Variants in SLC17A2 observed in about 807,000 individuals in gnomAD.
SLC17A2 encodes the protein solute carrier family 17 member 2, also known as sodium-dependent phosphate transport protein 3.
A neutral mutation model predicts 52.1 loss-of-function variants in SLC17A2; 38 were observed. The ratio of observed to expected loss-of-function variants is 0.73; its 90% CI spans 0.56 to 0.96. The LOEUF (loss-of-function observed/expected upper bound fraction) is 0.96. Ranked by LOEUF, SLC17A2 falls within the 40% of genes least tolerant of loss-of-function variation. The pLI is 0.00. For missense variants in SLC17A2, 508 were observed against 583.9 expected, an observed-to-expected ratio of 0.87 and a Z score of 1.34; for synonymous variants, 226 against 211.9, an observed-to-expected ratio of 1.07 and a Z score of -0.58.
At position 25,920,673 on chromosome 6, in the gene SLC17A2, G is replaced by GGT. The variant is rs547604094; in HGVS notation, c.562+331_562+332dup. The stretch of plus-strand genomic sequence containing the variant: ...CTCACTTCAAAATCATTGCTAAGAT[G>GGT]GTGTATATATAGCTTACTTGATCTT... On this transcript the variant is annotated intron_variant, in intron 5 of 11. Transcript: ENST00000377850. Among the ~76,000 whole-genome samples the GGT allele has an allele frequency of 8.8e-4, 134 of 152,170 alleles. 1 individual carries two copies. In the South Asian group the frequency reaches 9.8e-3, roughly 11 times the overall value.
In SLC17A2 at chr6:25,921,201, C is replaced by T. The variant is rs141434969; in HGVS notation, c.452G>A (p.Arg151Gln). 38 of 1,613,906 alleles carry T rather than the reference C, an allele frequency of 2.4e-5. No homozygotes were observed. The highest frequency in any genetic ancestry group is 1.6e-5 in the Non-Finnish European group (19 of 1,180,014). The change falls in exon 4 of 12, where the codon CGG (arginine) becomes CAG (glutamine). Residue 151 changes from arginine (R) to glutamine (Q), a missense_variant. Coordinates refer to ENST00000377850, the MANE Select transcript of SLC17A2 (RefSeq NM_001286123.3). ...DFGVILVIMV[R>Q]TVQGMAQGMA... Reference sequence around the variant, plus strand: ...TACCTGGGCCATGCCCTGGACTGTCCGAACCATGATGACCAAAATCACTCC... The same window carrying T: ...TACCTGGGCCATGCCCTGGACTGTCTGAACCATGATGACCAAAATCACTCC...
rs575929831 is a variant in SLC17A2, at chr6:25,914,630, G to A, written c.1252C>T (p.Leu418Phe). The part of the protein sequence containing the change: ...FLMGISRGFG[L>F]IAGIISSTAT... Reference sequence around the variant, plus strand: ...GTGGAAGAGATGATTCCTGCGATGAGCCCAAATCCCCTTGAGATTCCCATG... The same window carrying A: ...GTGGAAGAGATGATTCCTGCGATGAACCCAAATCCCCTTGAGATTCCCATG... The change falls in exon 11 of 12, where the codon CTC (leucine) becomes TTC (phenylalanine). Residue 418 changes from leucine (L) to phenylalanine (F), a missense_variant. By Grantham distance (22) the Leu-to-Phe change is conservative (BLOSUM62 0). Transcript: ENST00000377850. 1 of 1,613,000 alleles carries A rather than the reference G, an allele frequency of 6.2e-7. No individual in the cohort carries two copies. The highest frequency in any genetic ancestry group is 1.3e-5 in the African/African-American group (1 of 75,032).
In SLC17A2 at chr6:25,915,650, G is replaced by A. The variant is rs1248788820; in HGVS notation, c.1064-4C>T. 6.2e-7 allele frequency: 1 copy of A among 1,613,530 alleles called. No homozygotes were observed. Among genetic ancestry groups the A allele is most frequent in the East Asian group, 2.2e-5 (1 of 44,900 alleles). ...CATATTGATGGAAGGAGGAGCCCTG[G>A]GCAATGAGGACATGCTGTCAGGGAA... On this transcript the variant is annotated splice_region_variant and splice_polypyrimidine_tract_variant and intron_variant, in intron 9 of 11. Transcript: ENST00000377850.
At chr6:25,917,115 T>C in intron 6 of SLC17A2, 28 bp from the exon 7 acceptor site, 1 of 1,574,126 alleles carries the variant, frequency 6.4e-7, no homozygotes. Context: ...AATTAGTTTT[T>C]AGGTAGATTT....
intron 3 of SLC17A2, among the ~76,000 whole-genome samples, chr6:25,923,415 C>G (rs1704453770): frequency 6.6e-6 from 1 of 152,148 alleles, no homozygotes. Context: ...AGAATGTGCC[C>G]AGGTAATACC....
At chr6:25,920,107 G>C (rs1185239359) in intron 5 of SLC17A2, among the ~76,000 whole-genome samples, 1 of 152,210 alleles carries the variant, frequency 6.6e-6, no homozygotes, top group African/African-American at 2.4e-5. Flanking sequence ...GTCTAGAAGA[G>C]AGAGATCAGC....
intron 8 of SLC17A2, among the ~76,000 whole-genome samples, chr6:25,916,372 T>G (rs933337036): frequency 3.3e-5 from 5 of 152,182 alleles, no homozygotes; most frequent in Non-Finnish European, 7.3e-5. Context: ...TGAGCCACCA[T>G]GCCTGGCCCA....
At chr6:25,913,718 C>G (rs1028699534) in intron 11 of SLC17A2, among the ~76,000 whole-genome samples, 7 of 151,328 alleles carry the variant, frequency 4.6e-5, no homozygotes, top group African/African-American at 1.7e-4. Context: ...TATAATATTA[C>G]TCATTTAAAA....
intron 1 of SLC17A2, 60 bp from the exon 2 acceptor site, chr6:25,925,939 C>T: frequency 1.1e-6 from 1 of 883,948 alleles, no homozygotes. Flanking sequence ...GTTAATGTTG[C>T]CTCCTCTTAG....
rs1554137783 is a variant in SLC17A2 at position 25,915,177 on chromosome 6, A to ATATATATG, written c.1211+321_1211+322insCATATATA. Among the ~76,000 whole-genome samples, 854 of 107,888 alleles carry ATATATATG rather than the reference A, an allele frequency of 7.9e-3. 79 individuals are homozygous for ATATATATG. The highest frequency in any genetic ancestry group is 0.03 in the Middle Eastern group (7 of 234). The allele number at this position is 107,888 out of a possible 152,430, so 70.8% of individuals were successfully genotyped here. ...TATATATATATATATATATATATAT[A>ATATATATG]TGGTAGCTAATATGAACAACACCAT... On this transcript the variant is annotated intron_variant, in intron 10 of 11. Transcript: ENST00000377850.
At chr6:25,923,077 C>T (rs1766617726) in intron 3 of SLC17A2, among the ~76,000 whole-genome samples, 2 of 152,068 alleles carry the variant, frequency 1.3e-5, no homozygotes, top group South Asian at 4.1e-4. Flanking sequence ...CTCCCAGCTA[C>T]TTGGGAGGCC....
intron 1 of SLC17A2, among the ~76,000 whole-genome samples, chr6:25,930,019 T>C (rs372329233): frequency 6.6e-6 from 1 of 152,206 alleles, no homozygotes; most frequent in African/African-American, 2.4e-5. Context: ...GGTTTCACCA[T>C]GTTGGCCAGG....
At chr6:25,922,378 C>G (rs1045012145) in intron 3 of SLC17A2, among the ~76,000 whole-genome samples, 1 of 152,182 alleles carries the variant, frequency 6.6e-6, no homozygotes, top group Non-Finnish European at 1.5e-5. Context: ...CAAAAGTGAA[C>G]TTGTAGCATT....
chr6:25,916,644 T>G (rs1766328117), intron 8 of SLC17A2, 41 bp downstream of exon 8: 5 of 1,529,790 alleles, frequency 3.3e-6, no homozygotes, highest in Non-Finnish European at 4.5e-6. Flanking sequence ...TTCTCCTTAT[T>G]ACCATTATCA....
chr6:25,915,263 G>A (rs1766265247), intron 10 of SLC17A2, among the ~76,000 whole-genome samples: 1 of 148,580 alleles, frequency 6.7e-6, no homozygotes, highest in Admixed American at 6.8e-5. Context: ...TTCAATCTCT[G>A]TTAGGGAAGC....
chr6:25,918,235 C>CT (rs1766402682), intron 6 of SLC17A2, among the ~76,000 whole-genome samples: 1 of 152,216 alleles, frequency 6.6e-6, no homozygotes, highest in African/African-American at 2.4e-5. Flanking sequence ...GACAAGACTG[C>CT]ATCACAAGTC....
At chr6:25,914,733 C>T in intron 10 of SLC17A2, 63 bp from the exon 11 acceptor site, 2 of 1,048,530 alleles carry the variant, frequency 1.9e-6, no homozygotes, top group Non-Finnish European at 2.9e-6. Context: ...TCTGCAGCAA[C>T]TCAACTTTAA....
At chr6:25,914,428 T>C in intron 11 of SLC17A2, 152 bp downstream of exon 11, 1 of 614,882 alleles carries the variant, frequency 1.6e-6, no homozygotes, top group Non-Finnish European at 2.9e-6. Flanking sequence ...ATATTTTTCT[T>C]CCTCTGGGAA....
chr6:25,918,380 T>C (rs1766408769), intron 6 of SLC17A2, 107 bp downstream of exon 6: 1 of 712,794 alleles, frequency 1.4e-6, no homozygotes, highest in Non-Finnish European at 2.5e-6. Flanking sequence ...TCATCTTCCA[T>C]TTGATAAAGG....
Sources: gnomAD v4.1 joint callset for allele counts (sites outside exome capture counted in the v4.1 genomes callset) on GRCh38, gnomAD v4.1.1 for gene constraint, MANE v1.5 for transcripts, NCBI Gene and HGNC (gene_info 2026-07-23, HGNC 2026-07-21) for gene names.